RPS25: variants seen among roughly 807,000 people sequenced by gnomAD.
The protein encoded by RPS25 is ribosomal protein S25.
A neutral mutation model predicts 14.4 loss-of-function variants in RPS25; 1 was observed. That is an observed-to-expected ratio of 0.07 (90% CI 0.02 to 0.33). The LOEUF is 0.33. RPS25 is among the 10% of genes least tolerant of loss of function. The pLI is 1.00. For synonymous variants in RPS25, 63 were observed against 53.8 expected (o/e 1.17, Z -0.75); for missense variants, 65 against 144.6 (o/e 0.45, Z 2.82).
chr11:119,017,768 A>T, intron 2 of RPS25, 190 bp downstream of exon 2: 1 of 661,024 alleles, frequency 1.5e-6, no homozygotes. Context: ...ACAGCGGCAG[A>T]CACTTCGCAC....
rs199510206 is a variant in RPS25 at position 119,017,908 on chromosome 11, G to A, written c.99+50C>T. 2.8e-4 allele frequency: 405 copies of A among 1,421,376 alleles called. 1 individual carries two copies. Among genetic ancestry groups the A allele is most frequent in the Non-Finnish European group, 3.7e-4 (371 of 1,005,974 alleles). 88.0% of individuals were successfully genotyped at this position (1,421,376 alleles called of 1,614,324 possible). A position where few individuals can be genotyped will look rare whatever the true frequency, so the allele number is the denominator to read the frequency against. On this transcript the variant is annotated intron_variant, in intron 2 of 4. Transcript: ENST00000527673. Reference sequence around the variant, plus strand: ...CTATACAAGTTACCTATTACTAGAGGATTACGAGAGAGTTACCCCTAGTCT... The same window carrying A: ...CTATACAAGTTACCTATTACTAGAGAATTACGAGAGAGTTACCCCTAGTCT...
intron 2 of RPS25, 197 bp downstream of exon 2, chr11:119,017,761 G>A (rs1943198431): frequency 3.0e-6 from 2 of 662,234 alleles, no homozygotes; most frequent in African/African-American, 1.8e-5. Flanking sequence ...AGCAGGCACA[G>A]CGGCAGACAC....
chr11:119,018,209 C>T, intron 1 of RPS25, 73 bp downstream of exon 1: 1 of 1,610,160 alleles, frequency 6.2e-7, no homozygotes, highest in Non-Finnish European at 8.5e-7. Flanking sequence ...CCAAGGAGCG[C>T]TCCCGCCGAA....
At chr11:119,017,577 G>A (rs782505978) in intron 2 of RPS25, 32 bp from the exon 3 acceptor site, 2 of 1,591,200 alleles carry the variant, frequency 1.3e-6, no homozygotes, top group South Asian at 2.2e-5. Flanking sequence ...AAACAAGTTA[G>A]TATTTCTGGC....
At chr11:119,016,755 T>C (rs1327875644) in intron 3 of RPS25, among the ~76,000 whole-genome samples, 1 of 151,552 alleles carries the variant, frequency 6.6e-6, no homozygotes, top group East Asian at 2.0e-4. Flanking sequence ...CTCAGCATCC[T>C]GAGTAGCTGG....
At chr11:119,017,909 A>G (rs11602764) in intron 2 of RPS25, 49 bp downstream of exon 2, 404,007 of 1,429,402 alleles carry the variant, frequency 0.28, 60,142 homozygotes, top group African/African-American at 0.49. Context: ...TTACTAGAGG[A>G]TTACGAGAGA....
intron 3 of RPS25, 88 bp downstream of exon 3, chr11:119,017,274 C>G: frequency 1.0e-6 from 1 of 962,910 alleles, no homozygotes; most frequent in Non-Finnish European, 1.5e-6. Context: ...TTTTTTAATT[C>G]TGCTTTTCCA....
At chr11:119,017,919 A>T (rs1354476356) in intron 2 of RPS25, 39 bp downstream of exon 2, 2 of 1,494,260 alleles carry the variant, frequency 1.3e-6, no homozygotes, top group Non-Finnish European at 1.9e-6. Flanking sequence ...ATTACGAGAG[A>T]GTTACCCCTA....
At chr11:119,017,319 C>T (rs1334152660) in intron 3 of RPS25, 43 bp downstream of exon 3, 3 of 1,432,664 alleles carry the variant, frequency 2.1e-6, no homozygotes, top group Admixed American at 2.2e-5. Flanking sequence ...ATGGTCAAGA[C>T]AATTTAACCT....
intron 3 of RPS25, among the ~76,000 whole-genome samples, chr11:119,017,117 C>T (rs939072126): frequency 1.3e-5 from 2 of 152,138 alleles, no homozygotes; most frequent in African/African-American, 2.4e-5. Context: ...TCCATTTACT[C>T]GAAACATAAA....
intron 3 of RPS25, 72 bp downstream of exon 3, chr11:119,017,290 A>C (rs1341545526): frequency 8.6e-7 from 1 of 1,168,576 alleles, no homozygotes; most frequent in East Asian, 2.5e-5. Context: ...TTCCAGCAAA[A>C]CCACTGAAGA....
intron 3 of RPS25, 97 bp downstream of exon 3, chr11:119,017,265 T>A (rs1001527529): frequency 1.1e-6 from 1 of 908,948 alleles, no homozygotes; most frequent in Admixed American, 3.0e-5. Context: ...ACGCTTTTTT[T>A]TTTTAATTCT....
intron 2 of RPS25, 163 bp downstream of exon 2, chr11:119,017,795 T>C: frequency 8.8e-6 from 6 of 683,932 alleles, no homozygotes; most frequent in South Asian, 1.9e-5. Flanking sequence ...CCCATTTTCA[T>C]GATCCTAATG....
intron 3 of RPS25, among the ~76,000 whole-genome samples, chr11:119,016,249 G>A (rs768804286): frequency 7.2e-5 from 11 of 152,212 alleles, no homozygotes; most frequent in Non-Finnish European, 1.2e-4. Context: ...CTGCCCCTCC[G>A]CACTCCAACC....
At chr11:119,016,488 T>G (rs1253864358) in intron 3 of RPS25, among the ~76,000 whole-genome samples, 1 of 152,160 alleles carries the variant, frequency 6.6e-6, no homozygotes, top group African/African-American at 2.4e-5. Flanking sequence ...TCCTCCTGCT[T>G]TGGCCTCCCA....
intron 1 of RPS25, 81 bp from the exon 2 acceptor site, chr11:119,018,134 A>C: frequency 1.3e-6 from 2 of 1,561,596 alleles, no homozygotes; most frequent in South Asian, 2.2e-5. Context: ...GCCCCCGCAA[A>C]CTCCACCACC....
rs782362558 is a variant in RPS25 at position 119,018,052 on chromosome 11, G to T, written c.5C>A (p.Pro2Gln). The T allele has an allele frequency of 2.5e-6, 4 of 1,612,082 alleles. No homozygotes were observed. Residue 2 changes from proline to glutamine, a missense_variant and splice_region_variant, in exon 2 of 5, where the codon CCG becomes CAG. Transcript: ENST00000527673. Reference protein sequence around the residue: MPPKDDKKKKDA... With the variant: MQPKDDKKKKDA... ...CTTCTTCTTCTTGTCGTCCTTAGGC[G>T]GCTGTAGGAGGGCAGCGGGAATGCA...
In RPS25 at chr11:119,017,479, C is replaced by T; in HGVS notation, c.166G>A (p.Asp56Asn). 1 of 1,614,130 alleles carries T rather than the reference C, an allele frequency of 6.2e-7. No individual in the cohort carries two copies. The highest frequency in any genetic ancestry group is 8.5e-7 in the Non-Finnish European group (1 of 1,180,024). The change falls in exon 3 of 5, where the codon GAT (aspartate) becomes AAT (asparagine). Residue 56 changes from aspartate to asparagine, a missense_variant. Asp to Asn is a conservative substitution (Grantham distance 23, BLOSUM62 1). Coordinates refer to ENST00000527673, the MANE Select transcript of RPS25 (RefSeq NM_001028.3). Reference protein sequence around the residue: ...NLVLFDKATYDKLCKEVPNYK... With the variant: ...NLVLFDKATYNKLCKEVPNYK... ...TTGGGAACTTCCTTACAGAGTTTAT[C>T]ATAGGTAGCTTTGTCAAACAAGACT...
In RPS25 at chr11:119,017,357, C is replaced by G; in HGVS notation, c.283+5G>C. The G allele has an allele frequency of 8.1e-6, 13 of 1,610,334 alleles. No homozygotes were observed. The highest frequency in any genetic ancestry group is 1.0e-5 in the Non-Finnish European group (12 of 1,177,748). On this transcript the variant is annotated splice_donor_5th_base_variant and intron_variant, in intron 3 of 4. Coordinates refer to ENST00000527673, the MANE Select transcript of RPS25 (RefSeq NM_001028.3). Reference sequence around the variant, plus strand: ...AAAAACACACATGTAGGATACACCCCTCACCTTTACTAAGGAGCTCCTGAA... The same window carrying G: ...AAAAACACACATGTAGGATACACCCGTCACCTTTACTAAGGAGCTCCTGAA...
Sources: allele counts gnomAD v4.1 joint callset (sites outside exome capture counted in the v4.1 genomes callset), GRCh38; gene constraint gnomAD v4.1.1; transcripts MANE v1.5; gene names NCBI Gene and HGNC (gene_info 2026-07-23, HGNC 2026-07-21).